LRRC37B: variants seen among roughly 807,000 people sequenced by gnomAD.
LRRC37B encodes the protein leucine rich repeat containing 37B, also known as leucine-rich repeat-containing protein 37B.
A neutral mutation model predicts 98.3 loss-of-function variants in LRRC37B; 28 were observed. That is an observed-to-expected ratio of 0.28 (90% CI 0.21 to 0.39). The LOEUF (loss-of-function observed/expected upper bound fraction) is 0.39. Ranked by LOEUF, LRRC37B falls within the 10% of genes least tolerant of loss-of-function variation. The pLI, the probability that LRRC37B is intolerant of heterozygous loss-of-function variation, is 1.00. For synonymous variants in LRRC37B, 364 were observed against 442.7 expected (o/e 0.82, Z 2.23); for missense variants, 938 against 1,182.7 (o/e 0.79, Z 3.03).
intron 6 of LRRC37B, 52 bp from the exon 10 acceptor site, chr17:32,035,513 A>G (rs1911221730): frequency 6.5e-7 from 1 of 1,546,266 alleles, no homozygotes; most frequent in South Asian, 1.2e-5. Context: ...CTTTTGAAGT[A>G]CAGAATTTTG....
At chr17:32,053,379 A>C in exon 12 of LRRC37B, 1 of 1,390,280 alleles carries the variant, frequency 7.2e-7, no homozygotes, top group Non-Finnish European at 9.9e-7. Flanking sequence ...TAAAATTGTT[A>C]TTAAATATTG....
At chr17:32,012,249 G>A (rs1039703044) in intron 1 of LRRC37B, among the ~76,000 whole-genome samples, 10 of 152,174 alleles carry the variant, frequency 6.6e-5, no homozygotes, top group African/African-American at 9.7e-5. Context: ...AGTCTACAAC[G>A]ATTGTTATGG....
In LRRC37B at chr17:32,021,215, G is replaced by T. The variant is rs370671618; in HGVS notation, c.150G>T (p.Lys50Asn). The stretch of plus-strand genomic sequence containing the variant: ...GGCAACTATTGTCTTTACTAGTCAA[G>T]GAGGCTCAGCCTCTGGTGTGGGTCA... Residue 50 changes from lysine (K) to asparagine (N), a missense_variant, in exon 1 of 12, where the codon AAG (lysine) becomes AAT (asparagine). By Grantham distance (94) the Lys-to-Asn change is moderately conservative. Coordinates refer to ENST00000327564, the Ensembl canonical transcript of LRRC37B. The T allele has an allele frequency of 6.6e-5, 106 of 1,612,752 alleles. 1 individual carries two copies. Among genetic ancestry groups the T allele is most frequent in the Non-Finnish European group, 8.7e-5 (103 of 1,179,982 alleles).
At chr17:32,012,678 T>C (rs541923464) in intron 1 of LRRC37B, among the ~76,000 whole-genome samples, 27 of 152,076 alleles carry the variant, frequency 1.8e-4, no homozygotes, top group South Asian at 6.2e-4. Context: ...ATCACACCAC[T>C]GCATCCCAGC....
At chr17:32,039,431 GACA>G (rs1911343099) in intron 7 of LRRC37B, among the ~76,000 whole-genome samples, 2 of 131,790 alleles carry the variant, frequency 1.5e-5, no homozygotes, top group African/African-American at 5.7e-5. Context: ...GAGCCAAGAT[GACA>G]CCACTGCACT....
Position 32,034,990 on chromosome 17 carries a change from T to G in LRRC37B, c.2129+9T>G. The G allele has an allele frequency of 6.4e-7, 1 of 1,557,794 alleles. No homozygotes were observed. Among genetic ancestry groups the G allele is most frequent in the Non-Finnish European group, 8.8e-7 (1 of 1,133,056 alleles). ...CCGGCATTAAAATATCTGTAAGTAC[T>G]ATAGTACTCTCATGAGTCATGAGAT... On this transcript the variant is annotated intron_variant, in intron 6 of 11. Transcript: ENST00000327564.
intron 1 of LRRC37B, among the ~76,000 whole-genome samples, chr17:32,014,245 TG>T (rs960242795): frequency 3.9e-5 from 6 of 152,210 alleles, no homozygotes; most frequent in Non-Finnish European, 7.3e-5. Flanking sequence ...ATAAAGGCTA[TG>T]GCCCACAATG....
At position 32,021,392 on chromosome 17, in the gene LRRC37B, G is replaced by A. The variant is rs1418612821; in HGVS notation, c.327G>A (p.Gln109=). Residue 109 remains glutamine (Q), a synonymous_variant, in exon 1 of 12, where the codon CAG becomes CAA. Coordinates refer to ENST00000327564, the Ensembl canonical transcript of LRRC37B. ...ACCTGGGGCCCTCTGCTTCTTCGCA[G>A]ATGTCAGCCCTGCCTCAGGAACCAA... 2 of 1,613,912 alleles carry A rather than the reference G, an allele frequency of 1.2e-6. No individual in the cohort carries two copies. The highest frequency in any genetic ancestry group is 1.7e-5 in the Admixed American group (1 of 59,984).
At chr17:32,026,069 C>T (rs577001081) in intron 2 of LRRC37B, among the ~76,000 whole-genome samples, 3 of 152,236 alleles carry the variant, frequency 2.0e-5, no homozygotes, top group Non-Finnish European at 2.9e-5. Flanking sequence ...ATTGTTTTAT[C>T]GTTTTCTTCC....
intron 2 of LRRC37B, among the ~76,000 whole-genome samples, chr17:32,027,361 G>T (rs1360704607): frequency 4.7e-5 from 7 of 150,148 alleles, no homozygotes; most frequent in African/African-American, 1.7e-4. Context: ...GTGTGTGTGT[G>T]CTTGTGTGTG....
At chr17:32,035,601 T>G in exon 7 of LRRC37B, 1 of 1,612,236 alleles carries the variant, frequency 6.2e-7, no homozygotes, top group Non-Finnish European at 8.5e-7. Context: ...TTACAACACT[T>G]AAGAACATTC....
exon 1 of LRRC37B, chr17:32,022,463 G>A: frequency 5.0e-6 from 8 of 1,612,816 alleles, no homozygotes; most frequent in Non-Finnish European, 6.8e-6. Flanking sequence ...CTCCAACCAC[G>A]GAGGAAACCT....
At chr17:32,027,806 G>T in exon 3 of LRRC37B, 1 of 1,607,638 alleles carries the variant, frequency 6.2e-7, no homozygotes, top group East Asian at 2.2e-5. Flanking sequence ...ATTACCTAAG[G>T]ATTCATTTGA....
chr17:32,017,624 G>A (rs1310880797), upstream of LRRC37B, among the ~76,000 whole-genome samples: 5 of 152,112 alleles, frequency 3.3e-5, no homozygotes, highest in Admixed American at 2.0e-4. Context: ...GGGCAACAAA[G>A]CAGGACCATG....
intron 1 of LRRC37B, among the ~76,000 whole-genome samples, chr17:32,015,300 A>G (rs565285291): frequency 7.0e-4 from 107 of 152,346 alleles, no homozygotes; most frequent in African/African-American, 2.5e-3. Context: ...TCCTTGTAAC[A>G]TTTGACAAGT....
At chr17:32,026,649 G>C (rs766269965) in intron 2 of LRRC37B, among the ~76,000 whole-genome samples, 1 of 152,096 alleles carries the variant, frequency 6.6e-6, no homozygotes, top group Non-Finnish European at 1.5e-5. Context: ...GGCTGGTCTC[G>C]AACTCATGAT....
chr17:32,021,623 T>C (rs776872194), exon 1 of LRRC37B: 3 of 1,614,052 alleles, frequency 1.9e-6, no homozygotes, highest in Non-Finnish European at 2.5e-6. Context: ...AAACTACAGA[T>C]CTAGATCGGG....
chr17:32,014,351 C>T (rs1910603402), intron 1 of LRRC37B, among the ~76,000 whole-genome samples: 1 of 152,124 alleles, frequency 6.6e-6, no homozygotes, highest in Non-Finnish European at 1.5e-5. Flanking sequence ...AACTGCAGAA[C>T]ATCTTTAAAG....
At chr17:32,035,686 G>A (rs201277325) in intron 7 of LRRC37B, 47 bp downstream of exon 10, 4 of 1,535,324 alleles carry the variant, frequency 2.6e-6, no homozygotes, top group Middle Eastern at 3.4e-4. Flanking sequence ...TGGTTTTTTA[G>A]GTTTGTTTTA....
Sources: allele counts gnomAD v4.1 joint callset (sites outside exome capture counted in the v4.1 genomes callset), GRCh38; gene constraint gnomAD v4.1.1; transcripts MANE v1.5; gene names NCBI Gene and HGNC (gene_info 2026-07-23, HGNC 2026-07-21).